Variants in SORL1 observed in about 807,000 individuals in gnomAD.
SORL1 encodes sortilin-related receptor.
In SORL1, 127 loss-of-function variants were observed where a neutral mutation model predicts 273.7. The observed-to-expected ratio is 0.46, with a 90% confidence interval of 0.40 to 0.54. The LOEUF is 0.54. Ranked by LOEUF, SORL1 falls within the 20% of genes least tolerant of loss-of-function variation. The probability of loss-of-function intolerance (pLI) is 0.00; values close to 1 mark genes in which losing one functional copy is unlikely to be tolerated. For synonymous variants in SORL1, 1,031 were observed against 1,067.4 expected (o/e 0.97, Z 0.66); for missense variants, 2,494 against 2,846.1 (o/e 0.88, Z 2.81).
At chr11:121,575,504 A>G (rs945805639) in intron 24 of SORL1, among the ~76,000 whole-genome samples, 4 of 152,258 alleles carry the variant, frequency 2.6e-5, no homozygotes, top group African/African-American at 9.6e-5. Context: ...GCACATGGAC[A>G]CAGCCTGCTT....
At position 121,591,058 on chromosome 11, in the gene SORL1, A is replaced by G. The variant is rs775135385; in HGVS notation, c.4271A>G (p.Tyr1424Cys). ...PGPSTCLPNY[Y>C]RCSSGTCVMD... ...CCCTCCACGTGTCTGCCCAATTACT[A>G]CCGCTGCAGCAGTGGGACCTGCGTG... The change falls in exon 31 of 48, where the codon TAC (tyrosine) becomes TGC (cysteine). Residue 1424 changes from tyrosine to cysteine, a missense_variant. Physicochemically the swap from Tyr to Cys is radical, Grantham distance 194. This residue lies in a region of SORL1 where 1,609 missense variants were observed against 1,816.4 expected (regional missense o/e 0.89). Transcript: ENST00000260197. 2 of 1,613,942 alleles carry G rather than the reference A, an allele frequency of 1.2e-6. No individual in the cohort carries two copies. The highest frequency in any genetic ancestry group is 1.7e-6 in the Non-Finnish European group (2 of 1,180,016).
chr11:121,552,644 AT>A (rs762444491), intron 16 of SORL1, among the ~76,000 whole-genome samples: 3 of 152,246 alleles, frequency 2.0e-5, no homozygotes, highest in Non-Finnish European at 4.4e-5. Context: ...GGTAACATAG[AT>A]ACTTCTAAAG....
chr11:121,590,742 G>A lies in SORL1; in HGVS notation c.4214-259G>A. The stretch of plus-strand genomic sequence containing the variant: ...GTTTCTTTCACCAGCCCCTGCAAAA[G>A]CAAACTTATCTGAATATTAACCGAA... On this transcript the variant is annotated intron_variant, in intron 30 of 47. Coordinates refer to ENST00000260197, the MANE Select transcript of SORL1 (RefSeq NM_003105.6). 4.3e-6 allele frequency: 3 copies of A among 694,148 alleles called. No homozygotes were observed. In the Admixed American group the frequency reaches 6.2e-5, roughly 14 times the overall value. 43.0% of individuals were successfully genotyped at this position (694,148 alleles called of 1,614,324 possible).
rs144806633 is a variant in SORL1 at position 121,625,262 on chromosome 11, G to T, written c.6349G>T (p.Asp2117Tyr). 20 of 1,612,854 alleles carry T rather than the reference G, an allele frequency of 1.2e-5. No individual in the cohort carries two copies. In the Middle Eastern group the frequency reaches 8.3e-4, roughly 67 times the overall value. Residue 2117 changes from aspartate to tyrosine, a missense_variant, in exon 46 of 48, where the codon GAT (aspartate) becomes TAT (tyrosine). Around this residue, in one of 3 missense-constraint regions of SORL1, gnomAD observed 1,609 missense variants for 1,816.4 expected, o/e 0.89. Coordinates refer to ENST00000260197, the MANE Select transcript of SORL1 (RefSeq NM_003105.6). ...TGGGGAGCCTGCCATCCTGCTGTAC[G>T]ATGAGCTGGGGTCTGGTGAGTTGCG... ...ICGEPAILLYDELGSGADASA... is the reference protein window; with the variant it reads ...ICGEPAILLYYELGSGADASA...
intron 39 of SORL1, 122 bp downstream of exon 39, chr11:121,611,280 A>G: frequency 4.5e-6 from 3 of 662,036 alleles, no homozygotes; most frequent in Non-Finnish European, 5.2e-6. Flanking sequence ...ACGAACGGCT[A>G]GATCTAGTGA....
intron 6 of SORL1, among the ~76,000 whole-genome samples, chr11:121,508,859 T>C (rs1435257191): frequency 1.3e-5 from 2 of 152,248 alleles, no homozygotes; most frequent in African/African-American, 4.8e-5. Flanking sequence ...AGTGTTTTTC[T>C]TGCTTTTATG....
intron 1 of SORL1, among the ~76,000 whole-genome samples, chr11:121,457,388 G>C (rs376361565): frequency 6.6e-6 from 1 of 152,130 alleles, no homozygotes. Flanking sequence ...GCTCCTTTCC[G>C]GGTGGCATCC....
chr11:121,469,513 C>T (rs930811993), intron 1 of SORL1, among the ~76,000 whole-genome samples: 3 of 152,180 alleles, frequency 2.0e-5, no homozygotes, highest in African/African-American at 7.2e-5. Context: ...AATGATACTT[C>T]TCTCATTTCT....
chr11:121,549,900 T>C (rs1862482558), intron 14 of SORL1, 60 bp from the exon 15 acceptor site: 2 of 1,563,792 alleles, frequency 1.3e-6, no homozygotes, highest in Non-Finnish European at 1.7e-6. Context: ...GCAGAATTGG[T>C]ACAGGAATGC....
At position 121,555,201 on chromosome 11, in the gene SORL1, T is replaced by A. The variant is rs777235637; in HGVS notation, c.2454T>A (p.Asn818Lys). The A allele has an allele frequency of 6.2e-6, 10 of 1,613,642 alleles. No individual in the cohort carries two copies. The highest frequency in any genetic ancestry group is 8.5e-6 in the Non-Finnish European group (10 of 1,179,664). The change falls in exon 18 of 48, where the codon AAT becomes AAA. Residue 818 changes from asparagine (N) to lysine (K), a missense_variant. Physicochemically the swap from Asn to Lys is moderately conservative, Grantham distance 94 (BLOSUM62 0). Transcript: ENST00000260197. ...ALDVIQRLCL[N>K]GSTGQEVIIN... The stretch of plus-strand genomic sequence containing the variant: ...TCTCTCTTAAGCGCCTCTGTTTGAA[T>A]GGAAGCACAGGGCAAGAGGTGATCA...
chr11:121,554,994 A>G lies in SORL1; in HGVS notation c.2440-193A>G, dbSNP rs1234058476. ...AATTCTCTTTATTCTGCTTTAAAAA[A>G]CAAAAATGTAGTATATTTTAGAAAT... On this transcript the variant is annotated intron_variant, in intron 17 of 47. Coordinates refer to ENST00000260197, the MANE Select transcript of SORL1 (RefSeq NM_003105.6). This position sits in a 1 kb window ranked among gnomAD's most constrained non-coding sequence, Gnocchi z 4.6. 2 of 482,362 alleles carry G rather than the reference A, an allele frequency of 4.1e-6. No homozygotes were observed. Among genetic ancestry groups the G allele is most frequent in the African/African-American group, 2.0e-5 (1 of 50,648 alleles). The allele number at this position is 482,362 out of a possible 1,614,324, so 29.9% of individuals were successfully genotyped here.
At position 121,534,354 on chromosome 11, in the gene SORL1, G is replaced by A. The variant is rs115418280; in HGVS notation, c.1685+1802G>A. 3.3e-3 allele frequency among the ~76,000 whole-genome samples: 502 copies of A among 152,298 alleles called. 2 individuals carry two copies. Among genetic ancestry groups the A allele is most frequent in the African/African-American group, 8.4e-3 (348 of 41,556 alleles). On this transcript the variant is annotated intron_variant, in intron 12 of 47. Transcript: ENST00000260197. ...TGCATATGTGCTCAGGGAACGCAGC[G>A]TCATTCTGCACGAGCTGGAGCAAAA...
At chr11:121,519,858 T>C (rs565904846) in intron 8 of SORL1, among the ~76,000 whole-genome samples, 3 of 152,364 alleles carry the variant, frequency 2.0e-5, no homozygotes, top group South Asian at 2.1e-4. Flanking sequence ...TCGTCAACTT[T>C]TGTATGTTAT....
At position 121,452,678 on chromosome 11, in the gene SORL1, C is replaced by T. The variant is rs1860823641; in HGVS notation, c.285+62C>T. On this transcript the variant is annotated intron_variant, in intron 1 of 47. Transcript: ENST00000260197. This position sits in a 1 kb window ranked among gnomAD's most constrained non-coding sequence, Gnocchi z 5.3. Reference sequence around the variant, plus strand: ...TCCTCTCCCTGCACTTCCTCACCCCCGCATCCATCCGTTGCAGTCGCCTCC... The same window carrying T: ...TCCTCTCCCTGCACTTCCTCACCCCTGCATCCATCCGTTGCAGTCGCCTCC... 1.5e-6 allele frequency: 2 copies of T among 1,343,988 alleles called. No homozygotes were observed. The highest frequency in any genetic ancestry group is 1.9e-6 in the Non-Finnish European group (2 of 1,041,468). The allele number at this position is 1,343,988 out of a possible 1,614,324, so 83.3% of individuals were successfully genotyped here. A position where few individuals can be genotyped will look rare whatever the true frequency, so the allele number is the denominator to read the frequency against.
chr11:121,618,012 C>A (rs562162713), intron 41 of SORL1, among the ~76,000 whole-genome samples: 1 of 152,310 alleles, frequency 6.6e-6, no homozygotes, highest in African/African-American at 2.4e-5. Flanking sequence ...AAGCTCACCT[C>A]ATGGTACAAG....
chr11:121,561,774 G>C (rs640479), intron 21 of SORL1, among the ~76,000 whole-genome samples: 63,010 of 150,898 alleles, frequency 0.42, 16,227 homozygotes, highest in Non-Finnish European at 0.59. Context: ...GGCTGTGACT[G>C]TCCCTTTGGC....
Position 121,596,909 on chromosome 11 carries a change from A to G in SORL1, c.4519+1137A>G, listed in dbSNP as rs1001260837. 1.3e-5 allele frequency among the ~76,000 whole-genome samples: 2 copies of G among 152,046 alleles called. No homozygotes were observed. Among genetic ancestry groups the G allele is most frequent in the Non-Finnish European group, 2.9e-5 (2 of 68,022 alleles). ...ACTTGGAATCCTACCAAGTCTTACC[A>G]TTTAGAGATGGAATAGAATCTGAGG... On this transcript the variant is annotated intron_variant, in intron 32 of 47. Transcript: ENST00000260197. The surrounding 1 kb of genome is among the most constrained non-coding windows in gnomAD (Gnocchi z 4.3).
At chr11:121,504,016 A>G (rs1035962950) in intron 6 of SORL1, among the ~76,000 whole-genome samples, 3 of 152,210 alleles carry the variant, frequency 2.0e-5, no homozygotes, top group African/African-American at 7.2e-5. Context: ...ATGCCTTCCA[A>G]TGCATGGACA....
chr11:121,470,086 G>A lies in SORL1; in HGVS notation c.365G>A (p.Arg122Gln), dbSNP rs768680314. The A allele has an allele frequency of 3.7e-6, 6 of 1,614,132 alleles. No homozygotes were observed. The highest frequency in any genetic ancestry group is 1.3e-5 in the African/African-American group (1 of 75,036). The change falls in exon 2 of 48, where the codon CGA (arginine) becomes CAA (glutamine). Residue 122 changes from arginine (R) to glutamine (Q), a missense_variant. Physicochemically the swap from Arg to Gln is conservative, Grantham distance 43 (BLOSUM62 1). Coordinates refer to ENST00000260197, the MANE Select transcript of SORL1 (RefSeq NM_003105.6). ...AGCAACGTGATCGTGGCCTTGGCCC[G>A]AGATAGCCTGGCATTGGCGAGGCCC... The part of the protein sequence containing the change: ...EKSNVIVALA[R>Q]DSLALARPKS...
Sources: gnomAD v4.1 joint callset for allele counts (sites outside exome capture counted in the v4.1 genomes callset) on GRCh38, gnomAD v4.1.1 for gene constraint, gnomAD v4.1.1 regional missense constraint, Gnocchi (gnomAD v3.1) non-coding constraint, MANE v1.5 for transcripts, NCBI Gene and HGNC (gene_info 2026-07-23, HGNC 2026-07-21) for gene names.